Variants in ZFPM2 observed in about 807,000 individuals in gnomAD.
The protein encoded by ZFPM2 is zinc finger protein ZFPM2.
A neutral mutation model predicts 98.6 loss-of-function variants in ZFPM2; 20 were observed. The ratio of observed to expected loss-of-function variants is 0.20; its 90% confidence interval spans 0.14 to 0.29. ZFPM2 has a LOEUF of 0.29. Among genes scored for constraint, ZFPM2 ranks in the 10% least tolerant of loss-of-function variants. The pLI, the probability that ZFPM2 is intolerant of heterozygous loss-of-function variation, is 1.00. For synonymous variants in ZFPM2, 518 were observed against 502.7 expected, an observed-to-expected ratio of 1.03 and a Z score of -0.41; for missense variants, 1,310 against 1,388.6, an observed-to-expected ratio of 0.94 and a Z score of 0.90.
intron 2 of ZFPM2, among the ~76,000 whole-genome samples, chr8:105,425,823 G>C (rs879304448): frequency 6.6e-6 from 1 of 152,132 alleles, no homozygotes; most frequent in Non-Finnish European, 1.5e-5. Flanking sequence ...GTTTTGTCTA[G>C]AGTCTTAATA....
chr8:105,713,669 C>A (rs1420705959), intron 5 of ZFPM2, among the ~76,000 whole-genome samples: 1 of 151,948 alleles, frequency 6.6e-6, no homozygotes, highest in African/African-American at 2.4e-5. Context: ...GGCATCCAGG[C>A]TGCATATGCT....
At chr8:105,418,453 T>C in intron 1 of ZFPM2, 1 of 457,158 alleles carries the variant, frequency 2.2e-6, no homozygotes, top group Non-Finnish European at 4.3e-6. Context: ...GTAGCGCACC[T>C]CACTCTCATT....
At chr8:105,631,818 C>A (rs141736425) in intron 4 of ZFPM2, among the ~76,000 whole-genome samples, 1 of 152,110 alleles carries the variant, frequency 6.6e-6, no homozygotes, top group East Asian at 1.9e-4. Flanking sequence ...CTAAAAGATT[C>A]TCTAAAGAAT....
At chr8:105,512,320 A>G (rs1586427319) in intron 3 of ZFPM2, among the ~76,000 whole-genome samples, 2 of 152,200 alleles carry the variant, frequency 1.3e-5, no homozygotes, top group South Asian at 4.1e-4. Flanking sequence ...TGACCCTTGT[A>G]AACCAGTTGA....
intron 5 of ZFPM2, among the ~76,000 whole-genome samples, chr8:105,709,648 T>C (rs923077947): frequency 5.3e-5 from 8 of 151,986 alleles, no homozygotes; most frequent in African/African-American, 1.9e-4. Flanking sequence ...TAACTGAGAG[T>C]AGGTCAGTGA....
chr8:105,484,216 A>C (rs1813183457), intron 3 of ZFPM2, among the ~76,000 whole-genome samples: 1 of 152,054 alleles, frequency 6.6e-6, no homozygotes. Context: ...CTATTTCTTC[A>C]CTATATTCTT....
intron 1 of ZFPM2, among the ~76,000 whole-genome samples, chr8:105,346,683 C>T (rs1812543792): frequency 6.6e-6 from 1 of 152,122 alleles, no homozygotes; most frequent in African/African-American, 2.4e-5. Context: ...CTGCATTATC[C>T]TTTTATGTAG....
rs566408096 is a variant in ZFPM2 at position 105,378,359 on chromosome 8, T to TA, written c.41-40784dup. 1.9e-3 allele frequency among the ~76,000 whole-genome samples: 290 copies of TA among 152,272 alleles called. 1 individual carries two copies. The highest frequency in any genetic ancestry group is 6.7e-3 in the African/African-American group (277 of 41,554). ...GACACATTTTTTTCTTATGAAAACT[T>TA]ACGATATTTCCAACCCGGAGCCATC... On this transcript the variant is annotated intron_variant, in intron 1 of 7. Coordinates refer to ENST00000407775, the MANE Select transcript of ZFPM2 (RefSeq NM_012082.4).
chr8:105,427,581 AG>A (rs913020483), intron 2 of ZFPM2, among the ~76,000 whole-genome samples: 1 of 152,196 alleles, frequency 6.6e-6, no homozygotes, highest in African/African-American at 2.4e-5. Context: ...GAGAAGCAAC[AG>A]GCAATATTAA....
At chr8:105,641,367 A>C (rs1816945833) in intron 5 of ZFPM2, among the ~76,000 whole-genome samples, 1 of 152,086 alleles carries the variant, frequency 6.6e-6, no homozygotes, top group Non-Finnish European at 1.5e-5. Flanking sequence ...TTTCATGAAC[A>C]TCTGAGGCTT....
intron 6 of ZFPM2, 34 bp from the exon 7 acceptor site, chr8:105,798,690 G>A (rs1224107503): frequency 1.9e-6 from 3 of 1,574,592 alleles, no homozygotes; most frequent in Non-Finnish European, 2.6e-6. Context: ...CAAATGGACA[G>A]CAGCAAATGT....
At chr8:105,768,421 A>G (rs1812904873) in intron 5 of ZFPM2, among the ~76,000 whole-genome samples, 1 of 151,956 alleles carries the variant, frequency 6.6e-6, no homozygotes, top group Non-Finnish European at 1.5e-5. Context: ...TCATTATAAT[A>G]TCTCAGGAAC....
intron 5 of ZFPM2, among the ~76,000 whole-genome samples, chr8:105,666,254 G>T (rs1817486359): frequency 6.6e-6 from 1 of 151,796 alleles, no homozygotes; most frequent in African/African-American, 2.4e-5. Context: ...AGCAAAGAAA[G>T]AAATTAATAA....
chr8:105,403,803 G>T (rs1476945021), intron 1 of ZFPM2, among the ~76,000 whole-genome samples: 1 of 151,994 alleles, frequency 6.6e-6, no homozygotes, highest in Non-Finnish European at 1.5e-5. Flanking sequence ...GTAAAGTTAG[G>T]ATGACTCAGC....
chr8:105,544,306 T>C (rs559476248), intron 3 of ZFPM2, among the ~76,000 whole-genome samples: 2 of 152,258 alleles, frequency 1.3e-5, no homozygotes, highest in Non-Finnish European at 2.9e-5. Flanking sequence ...CGACTAACAG[T>C]ATTCTACATG....
chr8:105,498,027 C>CAAA (rs1195802124), intron 3 of ZFPM2, among the ~76,000 whole-genome samples: 11 of 61,896 alleles, frequency 1.8e-4, no homozygotes, highest in African/African-American at 5.5e-4. Context: ...CCGTCTCTAC[C>CAAA]AAAAAAAAAA....
chr8:105,736,220 T>A (rs1197128751), intron 5 of ZFPM2, among the ~76,000 whole-genome samples: 1 of 151,858 alleles, frequency 6.6e-6, no homozygotes, highest in East Asian at 1.9e-4. Flanking sequence ...TGAGTTGAAG[T>A]GGGACCTAAT....
At chr8:105,419,370 G>T in intron 2 of ZFPM2, 68 bp downstream of exon 2, 3 of 1,372,274 alleles carry the variant, frequency 2.2e-6, no homozygotes, top group Non-Finnish European at 2.0e-6. Flanking sequence ...TTAAAAAAAT[G>T]CATAATAGTC....
rs1169471188 is a variant in ZFPM2 at position 105,534,026 on chromosome 8, TCCTC to T, written c.302-27321_302-27318del. Among the ~76,000 whole-genome samples, 135 of 14,134 alleles carry T rather than the reference TCCTC, an allele frequency of 9.6e-3. 4 individuals are homozygous for T. Among genetic ancestry groups the T allele is most frequent in the African/African-American group, 0.08 (87 of 1,090 alleles). The allele number at this position is 14,134 out of a possible 152,430, so 9.3% of individuals were successfully genotyped here. On this transcript the variant is annotated intron_variant, in intron 3 of 7. Transcript: ENST00000407775. ...TTCCTTCCTTCCTCCCTTCTTCCCT[TCCTC>T]CCTCCCTCCCTCCCTTCCTCCCTTC...
Sources: gnomAD v4.1 joint callset for allele counts (sites outside exome capture counted in the v4.1 genomes callset) on GRCh38, gnomAD v4.1.1 for gene constraint, MANE v1.5 for transcripts, NCBI Gene and HGNC (gene_info 2026-07-23, HGNC 2026-07-21) for gene names.